HAS2: variants seen among roughly 807,000 people sequenced by gnomAD.
HAS2 encodes the protein HA synthase 2.
Under a neutral mutation model 51.6 loss-of-function variants are expected in HAS2, and 16 were observed. That is an observed-to-expected ratio of 0.31 (90% CI 0.21 to 0.47). HAS2 has a LOEUF of 0.47. HAS2 is among the 20% of genes least tolerant of loss of function. The pLI is 1.00. For synonymous variants in HAS2, 228 were observed against 235.5 expected, an observed-to-expected ratio of 0.97 and a Z score of 0.29; for missense variants, 361 against 662.6, an observed-to-expected ratio of 0.54 and a Z score of 5.00.
chr8:121,617,580 G>C (rs1812721280), intron 2 of HAS2, among the ~76,000 whole-genome samples: 1 of 151,240 alleles, frequency 6.6e-6, no homozygotes, highest in Non-Finnish European at 1.5e-5. Flanking sequence ...CTAGAGGTCT[G>C]TTTAAGAAAA....
At chr8:121,625,675 A>AT (rs934743239) in intron 2 of HAS2, among the ~76,000 whole-genome samples, 2,377 of 108,112 alleles carry the variant, frequency 0.022, 158 homozygotes, top group African/African-American at 0.068. Flanking sequence ...AGTCCAGCTA[A>AT]TTTTTTTTTT....
chr8:121,627,184 G>C (rs1812865943), intron 2 of HAS2, among the ~76,000 whole-genome samples: 2 of 152,114 alleles, frequency 1.3e-5, no homozygotes, highest in South Asian at 4.1e-4. Context: ...TATCAAAACA[G>C]ATGTTTTCTC....
intron 3 of HAS2, among the ~76,000 whole-genome samples, chr8:121,615,659 A>G (rs893489047): frequency 4.0e-5 from 6 of 151,758 alleles, no homozygotes; most frequent in African/African-American, 1.5e-4. Flanking sequence ...TTAGATCTCA[A>G]TCCCTAAACT....
rs1812663256 is a variant in HAS2 at position 121,613,486 on chromosome 8, A to C, written c.*623T>G. The C allele has an allele frequency of 6.6e-6, 1 of 152,596 alleles. No homozygotes were observed. The highest frequency in any genetic ancestry group is 2.1e-4 in the South Asian group (1 of 4,834). The allele number at this position is 152,596 out of a possible 1,614,324, so 9.5% of individuals were successfully genotyped here. On this transcript the variant is annotated 3_prime_UTR_variant, in exon 4 of 4. Coordinates refer to ENST00000303924, the MANE Select transcript of HAS2 (RefSeq NM_005328.3). ...ATTTTGGGCAGGATTTTTTAAGTAT[A>C]AATTTTTTAAGAACTTATTTTATTT...
chr8:121,633,689 C>T (rs1044073584), intron 1 of HAS2, among the ~76,000 whole-genome samples: 6 of 152,240 alleles, frequency 3.9e-5, no homozygotes, highest in African/African-American at 1.4e-4. Context: ...GTTCCCACTT[C>T]TTCCACCTGT....
intron 1 of HAS2, chr8:121,640,033 C>G (rs954113713): frequency 1.3e-5 from 2 of 152,280 alleles, no homozygotes; most frequent in African/African-American, 4.8e-5. Context: ...GCTGCCGAAG[C>G]GCAGCGCGCG....
intron 2 of HAS2, among the ~76,000 whole-genome samples, chr8:121,617,975 G>T (rs970471378): frequency 1.4e-5 from 2 of 147,530 alleles, no homozygotes; most frequent in Admixed American, 1.4e-4. Flanking sequence ...GCCCATTGTT[G>T]TTTTTAAACA....
At chr8:121,616,787 A>C (rs1261207491) in intron 3 of HAS2, among the ~76,000 whole-genome samples, 2 of 152,204 alleles carry the variant, frequency 1.3e-5, no homozygotes, top group East Asian at 3.8e-4. Context: ...GCAGAACATG[A>C]AATATTAAGT....
rs1157093532 is a variant in HAS2 at position 121,618,585 on chromosome 8, G to GA, written c.628-1380dup. Among the ~76,000 whole-genome samples, 15 of 151,858 alleles carry GA rather than the reference G, an allele frequency of 9.9e-5. No homozygotes were observed. In the East Asian group the frequency reaches 2.5e-3, roughly 25 times the overall value. On this transcript the variant is annotated intron_variant, in intron 2 of 3. Transcript: ENST00000303924. ...AAAATCAGAAATAGAAAAAAAGTAG[G>GA]AAAAAAAAGTCCCCATCTCCCTATC... is the stretch of plus-strand genomic sequence containing the variant.
intron 3 of HAS2, among the ~76,000 whole-genome samples, chr8:121,616,306 G>GT (rs955333437): frequency 3.2e-4 from 47 of 147,930 alleles, no homozygotes; most frequent in South Asian, 6.5e-4. Flanking sequence ...TTGAGTCTCT[G>GT]TTTTTTTTTA....
chr8:121,638,373 T>C (rs1229299748), intron 1 of HAS2, among the ~76,000 whole-genome samples: 1 of 152,230 alleles, frequency 6.6e-6, no homozygotes, highest in Non-Finnish European at 1.5e-5. Context: ...TAGTCACTGA[T>C]TTGTTAAGTC....
At chr8:121,624,779 G>C (rs921232955) in intron 2 of HAS2, among the ~76,000 whole-genome samples, 8 of 152,172 alleles carry the variant, frequency 5.3e-5, no homozygotes, top group African/African-American at 7.2e-5. Context: ...TTCAGTAAGA[G>C]ACAGGAATAA....
chr8:121,633,900 T>G (rs76246540), intron 1 of HAS2, among the ~76,000 whole-genome samples: 4 of 130,666 alleles, frequency 3.1e-5, no homozygotes, highest in Non-Finnish European at 4.8e-5. Flanking sequence ...CCCTAGTTTT[T>G]TGTTTTTTTG....
At chr8:121,637,030 A>G (rs1276698529) in intron 1 of HAS2, among the ~76,000 whole-genome samples, 1 of 152,200 alleles carries the variant, frequency 6.6e-6, no homozygotes, top group East Asian at 1.9e-4. Context: ...TCTTTTACTT[A>G]TAAAACTTTC....
intron 2 of HAS2, 123 bp from the exon 3 acceptor site, chr8:121,617,329 A>G (rs967452687): frequency 1.6e-6 from 1 of 613,250 alleles, no homozygotes; most frequent in African/African-American, 1.9e-5. Flanking sequence ...TCAGTAAGCA[A>G]GTATCATGAT....
chr8:121,634,133 C>T (rs1459060316), intron 1 of HAS2, among the ~76,000 whole-genome samples: 1 of 151,926 alleles, frequency 6.6e-6, no homozygotes, highest in Non-Finnish European at 1.5e-5. Flanking sequence ...TGGTCTGGAA[C>T]TCCTGACCTC....
Position 121,629,665 on chromosome 8 carries a change from C to CTA in HAS2, c.1-327_1-326dup, listed in dbSNP as rs561773756. 4.1e-3 allele frequency among the ~76,000 whole-genome samples: 625 copies of CTA among 152,228 alleles called. 9 individuals are homozygous for CTA. Among genetic ancestry groups the CTA allele is most frequent in the Non-Finnish European group, 4.3e-3 (294 of 68,012 alleles). The stretch of plus-strand genomic sequence containing the variant: ...TATATCACTTGCCTAAGGCTGTACT[C>CTA]TATATATATGTGGTCATAGCCAGGC... On this transcript the variant is annotated intron_variant, in intron 1 of 3. Transcript: ENST00000303924.
At chr8:121,636,002 T>C (rs1470489867) in intron 1 of HAS2, among the ~76,000 whole-genome samples, 1 of 152,198 alleles carries the variant, frequency 6.6e-6, no homozygotes, top group Non-Finnish European at 1.5e-5. Context: ...TAGGAAGGTA[T>C]GGTGAACAAA....
intron 3 of HAS2, among the ~76,000 whole-genome samples, chr8:121,615,577 C>T (rs1390991347): frequency 1.3e-5 from 2 of 152,124 alleles, no homozygotes; most frequent in Non-Finnish European, 2.9e-5. Context: ...ACTTCCTCGG[C>T]CTCCCAAAGT....
Sources: allele counts gnomAD v4.1 joint callset (sites outside exome capture counted in the v4.1 genomes callset), GRCh38; gene constraint gnomAD v4.1.1; transcripts MANE v1.5; gene names NCBI Gene and HGNC (gene_info 2026-07-23, HGNC 2026-07-21).